ARHGAP28: variants seen among roughly 807,000 people sequenced by gnomAD.
ARHGAP28 encodes the protein Rho GTPase activating protein 28, also known as rho GTPase-activating protein 28.
A neutral mutation model predicts 90.7 loss-of-function variants in ARHGAP28; 56 were observed. That is an observed-to-expected ratio of 0.62 (90% CI 0.50 to 0.77). The LOEUF is 0.77. ARHGAP28 is among the 30% of genes least tolerant of loss of function. The pLI is 0.00. For synonymous variants in ARHGAP28, 308 were observed against 323.3 expected, an observed-to-expected ratio of 0.95 and a Z score of 0.51; for missense variants, 869 against 900.9, an observed-to-expected ratio of 0.96 and a Z score of 0.45.
intron 9 of ARHGAP28, among the ~76,000 whole-genome samples, 174 bp from the exon 10 acceptor site, chr18:6,875,957 C>T (rs981625961): frequency 2.0e-5 from 3 of 152,048 alleles, no homozygotes; most frequent in Non-Finnish European, 4.4e-5. Context: ...ATTTGCATGT[C>T]GGAGGATAAC....
chr18:6,894,940 T>C (rs933032481), intron 15 of ARHGAP28, 49 bp downstream of exon 15: 1 of 1,529,592 alleles, frequency 6.5e-7, no homozygotes, highest in Non-Finnish European at 9.0e-7. Flanking sequence ...TATATAGTCT[T>C]CTCTGGCGAC....
At chr18:6,832,155 A>G (rs1427394632) in intron 2 of ARHGAP28, among the ~76,000 whole-genome samples, 1 of 151,878 alleles carries the variant, frequency 6.6e-6, no homozygotes, top group African/African-American at 2.4e-5. Context: ...ATATATCTTC[A>G]TTATTATTCA....
chr18:6,824,875 A>T lies in ARHGAP28; in HGVS notation c.236A>T (p.Glu79Val). 1 of 1,536,250 alleles carries T rather than the reference A, an allele frequency of 6.5e-7. No homozygotes were observed. The change falls in exon 2 of 18, where the codon GAG becomes GTG. Residue 79 changes from glutamate (E) to valine (V), a missense_variant. Physicochemically the swap from Glu to Val is moderately radical, Grantham distance 121 (BLOSUM62 -2). Transcript: ENST00000383472. ...SEASVDSASM[E>V]DFWREIESIK... ...GCCTCCGTAGACAGCGCCTCCATGG[A>T]GGATTTCTGGCGGGAAATAGAAAGT...
intron 1 of ARHGAP28, among the ~76,000 whole-genome samples, chr18:6,747,071 CTTT>C (rs5822923): frequency 1.2e-4 from 17 of 138,664 alleles, no homozygotes; most frequent in Non-Finnish European, 1.6e-4. Flanking sequence ...CATTTATTTT[CTTT>C]TTTTTTTTTT....
chr18:6,887,052 A>T, intron 11 of ARHGAP28, 105 bp from the exon 12 acceptor site: 1 of 997,320 alleles, frequency 1.0e-6, no homozygotes, highest in Non-Finnish European at 1.6e-6. Context: ...CTTTACCACC[A>T]AAAGCTGTCA....
chr18:6,732,668 T>C (rs2055892760), intron 1 of ARHGAP28, among the ~76,000 whole-genome samples: 1 of 152,184 alleles, frequency 6.6e-6, no homozygotes, highest in African/African-American at 2.4e-5. Context: ...TTTTATTTTA[T>C]TTTACTTATT....
Position 6,884,323 on chromosome 18 carries a change from G to A in ARHGAP28, c.1453+2024G>A, listed in dbSNP as rs561662081. On this transcript the variant is annotated intron_variant, in intron 11 of 17. Transcript: ENST00000383472. ...CAGGCGGTGGAGCTTATAGTGAGCC[G>A]AGATCGTGCCACTGCACTCCAGCCT... is the stretch of plus-strand genomic sequence containing the variant. Among the ~76,000 whole-genome samples the A allele has an allele frequency of 2.5e-3, 386 of 152,250 alleles. 2 individuals carry two copies. Among genetic ancestry groups the A allele is most frequent in the African/African-American group, 8.3e-3 (346 of 41,544 alleles).
intron 3 of ARHGAP28, among the ~76,000 whole-genome samples, chr18:6,841,119 T>TTCTCTC (rs149011221): frequency 4.3e-5 from 5 of 117,226 alleles, no homozygotes; most frequent in African/African-American, 1.5e-4. Flanking sequence ...GGTCCTTCTC[T>TTCTCTC]TCTCTCTCTC....
chr18:6,894,945 G>A lies in ARHGAP28; in HGVS notation c.1905+54G>A. The A allele has an allele frequency of 3.3e-6, 5 of 1,494,626 alleles. No individual in the cohort carries two copies. The South Asian group carries it at 5.7e-5, about 17-fold the overall frequency. 92.6% of individuals were successfully genotyped at this position (1,494,626 alleles called of 1,614,324 possible). A position where few individuals can be genotyped will look rare whatever the true frequency, so the allele number is the denominator to read the frequency against. On this transcript the variant is annotated intron_variant, in intron 15 of 17. Transcript: ENST00000383472. The stretch of plus-strand genomic sequence containing the variant: ...ATTAACTCCCTATATAGTCTTCTCT[G>A]GCGACATCCACCACATTTATGTATA...
At chr18:6,812,964 A>T (rs547708675) in intron 1 of ARHGAP28, among the ~76,000 whole-genome samples, 34 of 152,226 alleles carry the variant, frequency 2.2e-4, no homozygotes, top group Non-Finnish European at 4.6e-4. Context: ...CAAGGAATTC[A>T]TCTGATGATG....
At chr18:6,872,383 T>A (rs1217912760) in intron 7 of ARHGAP28, among the ~76,000 whole-genome samples, 2 of 152,236 alleles carry the variant, frequency 1.3e-5, no homozygotes, top group African/African-American at 4.8e-5. Flanking sequence ...CCACATCCTA[T>A]ATTTTGTTTC....
At chr18:6,828,104 C>A (rs894405917) in intron 2 of ARHGAP28, among the ~76,000 whole-genome samples, 3 of 152,150 alleles carry the variant, frequency 2.0e-5, no homozygotes, top group Non-Finnish European at 4.4e-5. Flanking sequence ...ATCCCGGCAC[C>A]TTGGGAGGCC....
At chr18:6,905,090 C>G (rs1268987197) in intron 16 of ARHGAP28, among the ~76,000 whole-genome samples, 1 of 151,386 alleles carries the variant, frequency 6.6e-6, no homozygotes, top group Admixed American at 6.6e-5. Flanking sequence ...TACCCTGATA[C>G]CAAAAAAAAG....
At chr18:6,797,722 C>T (rs1171866258) in intron 1 of ARHGAP28, among the ~76,000 whole-genome samples, 3 of 151,260 alleles carry the variant, frequency 2.0e-5, no homozygotes, top group African/African-American at 7.3e-5. Context: ...AGTGCAACAA[C>T]GCGATCTCGC....
intron 1 of ARHGAP28, among the ~76,000 whole-genome samples, chr18:6,752,617 T>G (rs2056078582): frequency 6.6e-6 from 1 of 152,194 alleles, no homozygotes; most frequent in Admixed American, 6.5e-5. Context: ...TAAATCCACC[T>G]CAGCCTCTGC....
At chr18:6,734,404 CGA>C (rs2055908787) in intron 1 of ARHGAP28, among the ~76,000 whole-genome samples, 2 of 151,836 alleles carry the variant, frequency 1.3e-5, no homozygotes, top group Non-Finnish European at 2.9e-5. Context: ...ATAAACTTCC[CGA>C]GAGAGGACAA....
intron 6 of ARHGAP28, 127 bp from the exon 7 acceptor site, chr18:6,870,463 C>T: frequency 3.1e-6 from 3 of 953,218 alleles, no homozygotes; most frequent in Non-Finnish European, 4.7e-6. Context: ...GCTGCTTTTC[C>T]TCGCATATAA....
rs1037019183 is a variant in ARHGAP28 at position 6,838,956 on chromosome 18, T to G, written c.543+1542T>G. On this transcript the variant is annotated intron_variant, in intron 3 of 17. Coordinates refer to ENST00000383472, the MANE Select transcript of ARHGAP28 (RefSeq NM_001366230.1). ...TTAAATTCTTTGGGCCTGACATTTT[T>G]GTATTTTTCATCTGACCATCCGTAT... is the stretch of plus-strand genomic sequence containing the variant. 1.5e-4 allele frequency among the ~76,000 whole-genome samples: 23 copies of G among 152,340 alleles called. 2 individuals carry two copies. Among genetic ancestry groups the G allele is most frequent in the Admixed American group, 1.1e-3 (17 of 15,306 alleles).
intron 10 of ARHGAP28, among the ~76,000 whole-genome samples, chr18:6,878,300 A>G (rs946991516): frequency 1.4e-5 from 2 of 140,442 alleles, no homozygotes; most frequent in Non-Finnish European, 3.0e-5. Flanking sequence ...AACAATGAGA[A>G]CACATGGACA....
Sources: allele counts gnomAD v4.1 joint callset (sites outside exome capture counted in the v4.1 genomes callset), GRCh38; gene constraint gnomAD v4.1.1; transcripts MANE v1.5; gene names NCBI Gene and HGNC (gene_info 2026-07-23, HGNC 2026-07-21).